The following DCP1A variants were observed in gnomAD, a reference collection of about 807,000 sequenced individuals.
DCP1A encodes mRNA-decapping enzyme 1A.
DCP1A carries 20 observed loss-of-function variants against 58.0 expected under a neutral mutation model. That is an observed-to-expected ratio of 0.34 (90% confidence interval 0.24 to 0.50). The LOEUF is 0.50. Ranked by LOEUF, DCP1A falls within the 20% of genes least tolerant of loss-of-function variation. The pLI is 0.98. For missense variants in DCP1A, 613 were observed against 712.2 expected, an observed-to-expected ratio of 0.86 and a Z score of 1.59; for synonymous variants, 285 against 275.1, an observed-to-expected ratio of 1.04 and a Z score of -0.36.
At chr3:53,296,258 T>C (rs1411025090) in intron 6 of DCP1A, among the ~76,000 whole-genome samples, 1 of 152,166 alleles carries the variant, frequency 6.6e-6, no homozygotes, top group East Asian at 1.9e-4. Context: ...GCTCCTGGAA[T>C]ATCATATCCC....
chr3:53,328,273 CTTAGACTAGCGG>C (rs1553690875), intron 3 of DCP1A, among the ~76,000 whole-genome samples: 1 of 152,190 alleles, frequency 6.6e-6, no homozygotes, highest in Admixed American at 6.5e-5. Flanking sequence ...AGGAGCTTCG[CTTAGACTAGCGG>C]TTACTCTGTT....
chr3:53,321,565 C>T (rs1351043917), intron 3 of DCP1A, among the ~76,000 whole-genome samples: 1 of 152,028 alleles, frequency 6.6e-6, no homozygotes, highest in African/African-American at 2.4e-5. Flanking sequence ...ACTAAAAATA[C>T]AAAATTAGCC....
intron 3 of DCP1A, among the ~76,000 whole-genome samples, chr3:53,322,883 C>T (rs1444344234): frequency 6.6e-6 from 1 of 151,090 alleles, no homozygotes; most frequent in Non-Finnish European, 1.5e-5. Flanking sequence ...ACGATCTTGG[C>T]TCATTGCAAG....
intron 6 of DCP1A, among the ~76,000 whole-genome samples, chr3:53,301,363 C>G (rs758762851): frequency 6.6e-6 from 1 of 151,868 alleles, no homozygotes; most frequent in Non-Finnish European, 1.5e-5. Flanking sequence ...CCTTTGCCTC[C>G]CAGGTTCAAG....
chr3:53,341,311 C>T (rs910662081), intron 3 of DCP1A, among the ~76,000 whole-genome samples: 2 of 151,874 alleles, frequency 1.3e-5, no homozygotes, highest in Non-Finnish European at 2.9e-5. Flanking sequence ...AAAAATTAGC[C>T]AGGCGTGGTG....
intron 4 of DCP1A, among the ~76,000 whole-genome samples, chr3:53,315,147 A>C (rs1707764278): frequency 6.6e-6 from 1 of 152,204 alleles, no homozygotes; most frequent in African/African-American, 2.4e-5. Flanking sequence ...CCTACCCCTA[A>C]GATGTCTGTA....
chr3:53,312,493 T>TTA, intron 4 of DCP1A, 114 bp from the exon 5 acceptor site: 72 of 982,944 alleles, frequency 7.3e-5, no homozygotes, highest in Non-Finnish European at 9.3e-5. Context: ...GATGACATTC[T>TTA]TCTTTTTTTT....
intron 3 of DCP1A, among the ~76,000 whole-genome samples, chr3:53,320,526 T>G (rs962720906): frequency 1.1e-4 from 16 of 152,204 alleles, no homozygotes; most frequent in Admixed American, 9.2e-4. Context: ...AGCACAGAAA[T>G]GGCAGGTATC....
Position 53,292,560 on chromosome 3 carries a change from A to G in DCP1A, c.892T>C (p.Ser298Pro). Residue 298 changes from serine to proline, a missense_variant, in exon 7 of 10, where the codon TCC becomes CCC. This residue lies in a region of DCP1A where 498 missense variants were observed against 556.7 expected (regional missense o/e 0.89). Transcript: ENST00000610213. ...ITTPVLITPA[S>P]ITQSNEKHAP... ...TGCTTTTCATTGGACTGTGTGATGG[A>G]GGCTGGAGTGATTAGCACCGGGGTG... The G allele has an allele frequency of 6.2e-7, 1 of 1,613,870 alleles. No individual in the cohort carries two copies. Among genetic ancestry groups the G allele is most frequent in the South Asian group, 1.1e-5 (1 of 91,072 alleles).
At chr3:53,316,984 G>A (rs782045246) in intron 4 of DCP1A, among the ~76,000 whole-genome samples, 11 of 152,134 alleles carry the variant, frequency 7.2e-5, no homozygotes, top group Non-Finnish European at 1.5e-4. Flanking sequence ...TGCCCTGATA[G>A]ATAAACGGTT....
intron 3 of DCP1A, among the ~76,000 whole-genome samples, chr3:53,323,242 G>A (rs1553690213): frequency 6.6e-6 from 1 of 152,166 alleles, no homozygotes; most frequent in Admixed American, 6.6e-5. Context: ...TTACATCATG[G>A]TAAGTCAACA....
At chr3:53,301,939 T>C (rs58485793) in intron 6 of DCP1A, among the ~76,000 whole-genome samples, 4 of 152,312 alleles carry the variant, frequency 2.6e-5, no homozygotes, top group South Asian at 4.1e-4. Flanking sequence ...TTGCCAGGGC[T>C]AAACGATGGC....
At chr3:53,317,684 CA>C (rs782788508) in intron 4 of DCP1A, among the ~76,000 whole-genome samples, 17 of 151,792 alleles carry the variant, frequency 1.1e-4, no homozygotes, top group Non-Finnish European at 2.5e-4. Context: ...CATCCTATCT[CA>C]AAAGAAAAAA....
At chr3:53,309,100 G>A (rs955771157) in intron 5 of DCP1A, among the ~76,000 whole-genome samples, 12 of 152,106 alleles carry the variant, frequency 7.9e-5, no homozygotes, top group Admixed American at 5.2e-4. Flanking sequence ...GGCTAGGTAC[G>A]GTGGCTCACG....
intron 3 of DCP1A, among the ~76,000 whole-genome samples, chr3:53,334,790 T>C (rs782614623): frequency 6.6e-6 from 1 of 152,200 alleles, no homozygotes; most frequent in Non-Finnish European, 1.5e-5. Context: ...AATAGACACA[T>C]GTGGCTACTG....
chr3:53,308,241 T>C (rs1395415971), intron 5 of DCP1A, among the ~76,000 whole-genome samples: 1 of 152,236 alleles, frequency 6.6e-6, no homozygotes, highest in Admixed American at 6.5e-5. Context: ...CTATAGTTTA[T>C]ACTGCTTACA....
At chr3:53,338,701 A>C (rs1239859994) in intron 3 of DCP1A, among the ~76,000 whole-genome samples, 1 of 151,830 alleles carries the variant, frequency 6.6e-6, no homozygotes, top group Non-Finnish European at 1.5e-5. Context: ...CTCTACTAAA[A>C]ATAGAAAAAA....
At chr3:53,331,638 T>A (rs2089006105) in intron 3 of DCP1A, among the ~76,000 whole-genome samples, 1 of 152,086 alleles carries the variant, frequency 6.6e-6, no homozygotes, top group South Asian at 2.1e-4. Context: ...CATATCCCTG[T>A]TGTTAAGTGA....
chr3:53,312,320 C>T lies in DCP1A; in HGVS notation c.431G>A (p.Ser144Asn). The T allele has an allele frequency of 3.7e-6, 6 of 1,613,556 alleles. No homozygotes were observed. Among genetic ancestry groups the T allele is most frequent in the Non-Finnish European group, 5.1e-6 (6 of 1,179,762 alleles). Residue 144 changes from serine to asparagine, a missense_variant, in exon 5 of 10, where the codon AGC becomes AAC. Ser to Asn is a conservative substitution (Grantham distance 46). Around this residue, in one of 3 missense-constraint regions of DCP1A, gnomAD observed 498 missense variants for 556.7 expected, o/e 0.89. Transcript: ENST00000610213. ...QQAARDKQSPSQANGCSDHRP... is the reference protein window; with the variant it reads ...QQAARDKQSPNQANGCSDHRP... ...GTGGTCGCTGCAGCCATTGGCCTGGCTGGGACTCTGTTTGTCCCGAGCAGC... is the reference window on the plus strand; with the variant it reads ...GTGGTCGCTGCAGCCATTGGCCTGGTTGGGACTCTGTTTGTCCCGAGCAGC...
Sources: allele counts gnomAD v4.1 joint callset (sites outside exome capture counted in the v4.1 genomes callset), GRCh38; gene constraint gnomAD v4.1.1; regional missense constraint gnomAD v4.1.1; transcripts MANE v1.5; gene names NCBI Gene and HGNC (gene_info 2026-07-23, HGNC 2026-07-21).